Variants in CFAP251 observed in about 807,000 individuals in gnomAD.
CFAP251 encodes the protein cilia and flagella associated protein 251.
Under a neutral mutation model 126.7 loss-of-function variants are expected in CFAP251, and 93 were observed. The observed-to-expected ratio is 0.73, with a 90% CI of 0.62 to 0.87. The LOEUF is 0.87. Ranked by LOEUF, CFAP251 falls within the 40% of genes least tolerant of loss-of-function variation. The pLI, the probability that CFAP251 is intolerant of heterozygous loss-of-function variation, is 0.00. For synonymous variants in CFAP251, 503 were observed against 506.9 expected, an observed-to-expected ratio of 0.99 and a Z score of 0.10; for missense variants, 1,287 against 1,389.2, an observed-to-expected ratio of 0.93 and a Z score of 1.17.
chr12:121,938,171 ATT>A (rs564574475), intron 5 of CFAP251, among the ~76,000 whole-genome samples: 1 of 143,412 alleles, frequency 7.0e-6, no homozygotes. Flanking sequence ...AGCCTGGCTA[ATT>A]TTTTTTTTTT....
At chr12:121,958,867 A>G (rs951250429) in intron 12 of CFAP251, 76 bp from the exon 13 acceptor site, 3 of 1,503,778 alleles carry the variant, frequency 2.0e-6, no homozygotes, top group Non-Finnish European at 2.7e-6. Flanking sequence ...CGCACCCAGA[A>G]CAAAGCCTGG....
chr12:121,978,212 G>A (rs1326105060), intron 19 of CFAP251, among the ~76,000 whole-genome samples: 1 of 150,416 alleles, frequency 6.6e-6, no homozygotes, highest in African/African-American at 2.4e-5. Context: ...CTAACACGGT[G>A]AAACCCCGTC....
At position 121,989,120 on chromosome 12, in the gene CFAP251, A is replaced by G. The variant is rs185437894; in HGVS notation, c.3007-10596A>G. Among the ~76,000 whole-genome samples, 110 of 152,322 alleles carry G rather than the reference A, an allele frequency of 7.2e-4. 1 individual carries two copies. Among genetic ancestry groups the G allele is most frequent in the African/African-American group, 2.6e-3 (106 of 41,558 alleles). On this transcript the variant is annotated intron_variant, in intron 19 of 21. Transcript: ENST00000288912. This position sits in a 1 kb window ranked among gnomAD's most constrained non-coding sequence, Gnocchi z 4.2. ...ATCAGGATTTTAGAGAGCTGTGGACACAGAATTAGCAAATCCTTGATTGTG... is the reference window on the plus strand; with the variant it reads ...ATCAGGATTTTAGAGAGCTGTGGACGCAGAATTAGCAAATCCTTGATTGTG...
At chr12:121,934,205 G>T (rs369449184) in intron 4 of CFAP251, 42 bp from the exon 5 acceptor site, 10 of 1,522,334 alleles carry the variant, frequency 6.6e-6, no homozygotes, top group Non-Finnish European at 9.0e-6. Flanking sequence ...AGGCTGGGCC[G>T]CATCTTGGAT....
intron 19 of CFAP251, among the ~76,000 whole-genome samples, chr12:121,983,637 A>G (rs1376459813): frequency 1.3e-5 from 2 of 151,854 alleles, no homozygotes; most frequent in Non-Finnish European, 2.9e-5. Context: ...TGGATGTTGT[A>G]TGTTCTCCCG....
intron 5 of CFAP251, among the ~76,000 whole-genome samples, chr12:121,936,001 C>T (rs1382296201): frequency 1.3e-5 from 2 of 152,146 alleles, no homozygotes; most frequent in Admixed American, 6.6e-5. Context: ...GTGGAATTTC[C>T]GTGGGCTTGG....
At chr12:121,985,158 T>A (rs1882715781) in intron 19 of CFAP251, among the ~76,000 whole-genome samples, 1 of 152,254 alleles carries the variant, frequency 6.6e-6, no homozygotes, top group Non-Finnish European at 1.5e-5. Flanking sequence ...AATAGTCACT[T>A]AACTTTTTAT....
At chr12:121,979,836 G>C (rs967174412) in intron 19 of CFAP251, among the ~76,000 whole-genome samples, 7 of 152,104 alleles carry the variant, frequency 4.6e-5, no homozygotes, top group African/African-American at 1.7e-4. Context: ...AAAGTGCTGG[G>C]ATTACAGGCG....
chr12:121,994,437 A>G (rs1882978159), intron 19 of CFAP251, among the ~76,000 whole-genome samples: 2 of 92,730 alleles, frequency 2.2e-5, no homozygotes, highest in African/African-American at 7.5e-5. Context: ...CTGCCCGGCC[A>G]CCACCCCGTC....
chr12:121,977,926 T>G lies in CFAP251; in HGVS notation c.3006+2241T>G, dbSNP rs192013779. Among the ~76,000 whole-genome samples the G allele has an allele frequency of 3.3e-4, 50 of 150,722 alleles. 1 individual carries two copies. The East Asian group carries it at 9.8e-3, about 30-fold the overall frequency. ...GTGAGCCGAGATTGCGCCACTGCAC[T>G]CCAGCCTGGGTGACAGAGCGAGACT... On this transcript the variant is annotated intron_variant, in intron 19 of 21. Transcript: ENST00000288912.
intron 19 of CFAP251, among the ~76,000 whole-genome samples, chr12:121,979,560 C>CTTCTTTTT (rs1882564013): frequency 2.8e-5 from 1 of 35,290 alleles, no homozygotes; most frequent in Non-Finnish European, 8.0e-5. Context: ...CAGCTTTCTT[C>CTTCTTTTT]TTCTTTTTTT....
intron 16 of CFAP251, 96 bp from the exon 17 acceptor site, chr12:121,967,910 C>G: frequency 8.7e-7 from 1 of 1,154,632 alleles, no homozygotes; most frequent in Non-Finnish European, 1.2e-6. Context: ...ACAGGTCCTT[C>G]TGGCACACAG....
rs1428885789 is a variant in CFAP251 at position 121,954,276 on chromosome 12, C to A, written c.1477C>A (p.Pro493Thr). 6.2e-7 allele frequency: 1 copy of A among 1,614,014 alleles called. No homozygotes were observed. The highest frequency in any genetic ancestry group is 8.5e-7 in the Non-Finnish European group (1 of 1,180,040). Residue 493 changes from proline (P) to threonine (T), a missense_variant, in exon 10 of 22, where the codon CCT becomes ACT. By Grantham distance (38) the Pro-to-Thr change is conservative (BLOSUM62 -1). Coordinates refer to ENST00000288912, the MANE Select transcript of CFAP251 (RefSeq NM_144668.6). ...CTTTTTGGGCTTTCCCTATATCAAGCCTTGTAAATTGGTTCATTTGCAGAA... is the reference window on the plus strand; with the variant it reads ...CTTTTTGGGCTTTCCCTATATCAAGACTTGTAAATTGGTTCATTTGCAGAA... ...STFLGFPYIK[P>T]CKLVHLQKEG...
chr12:121,919,793 T>G (rs1298965780), intron 1 of CFAP251, among the ~76,000 whole-genome samples: 1 of 152,186 alleles, frequency 6.6e-6, no homozygotes, highest in Non-Finnish European at 1.5e-5. Context: ...TAAATATATT[T>G]TAAATGAGTA....
chr12:121,975,332 A>G lies in CFAP251; in HGVS notation c.2860A>G (p.Arg954Gly). 6.2e-7 allele frequency: 1 copy of G among 1,613,820 alleles called. No homozygotes were observed. The highest frequency in any genetic ancestry group is 8.5e-7 in the Non-Finnish European group (1 of 1,179,720). The change falls in exon 18 of 22, where the codon AGG (arginine) becomes GGG (glycine). Residue 954 changes from arginine to glycine, a missense_variant and splice_region_variant. Transcript: ENST00000288912. ...LSGGREGKFY[R>G]ELEDYFYYSQ... is the part of the protein sequence containing the mutation. ...TGGTGGCCGGGAAGGAAAATTCTAC[A>G]GGGTAATTGTCCCTAGAGTAAACAC...
intron 2 of CFAP251, among the ~76,000 whole-genome samples, chr12:121,922,902 G>C (rs1361548773): frequency 6.6e-6 from 1 of 152,018 alleles, no homozygotes; most frequent in East Asian, 1.9e-4. Context: ...CTATTCTCCT[G>C]CCTCAGCCTC....
chr12:121,986,493 G>C (rs985312584), intron 19 of CFAP251, among the ~76,000 whole-genome samples: 3 of 148,964 alleles, frequency 2.0e-5, no homozygotes, highest in African/African-American at 7.4e-5. Context: ...AGTAGAGACG[G>C]GGTTTCACCG....
intron 3 of CFAP251, among the ~76,000 whole-genome samples, chr12:121,930,118 G>A (rs74850803): frequency 2.0e-5 from 3 of 151,434 alleles, no homozygotes; most frequent in African/African-American, 7.2e-5. Context: ...TTTGTGGCTT[G>A]TTAGCCCTTT....
intron 21 of CFAP251, 32 bp from the exon 22 acceptor site, chr12:122,003,620 G>A: frequency 6.5e-7 from 1 of 1,530,984 alleles, no homozygotes; most frequent in Non-Finnish European, 9.0e-7. Context: ...TCATCATGAA[G>A]GCATTTGGTG....
Sources: gnomAD v4.1 joint callset for allele counts (sites outside exome capture counted in the v4.1 genomes callset) on GRCh38, gnomAD v4.1.1 for gene constraint, Gnocchi (gnomAD v3.1) non-coding constraint, MANE v1.5 for transcripts, NCBI Gene and HGNC (gene_info 2026-07-23, HGNC 2026-07-21) for gene names.